Variants in HDAC9 observed in about 807,000 individuals in gnomAD.
HDAC9 encodes the protein MEF-2 interacting transcription repressor (MITR) protein.
A neutral mutation model predicts 139.4 loss-of-function variants in HDAC9; 41 were observed. The ratio of observed to expected loss-of-function variants is 0.29; its 90% CI spans 0.23 to 0.38. HDAC9 has a LOEUF of 0.38. HDAC9 is among the 10% of genes least tolerant of loss of function. HDAC9 has a pLI of 1.00. For missense variants in HDAC9, 1,147 were observed against 1,297.0 expected (o/e 0.88, Z 1.78); for synonymous variants, 517 against 476.2 (o/e 1.09, Z -1.12).
chr7:18,952,526 T>C (rs1270134867), intron 23 of HDAC9, among the ~76,000 whole-genome samples: 1 of 151,976 alleles, frequency 6.6e-6, no homozygotes, highest in Non-Finnish European at 1.5e-5. Flanking sequence ...CAAGATATTT[T>C]ATTAGTAAAA....
chr7:18,390,296 T>G (rs1786353681), intron 1 of HDAC9, among the ~76,000 whole-genome samples: 1 of 152,138 alleles, frequency 6.6e-6, no homozygotes, highest in South Asian at 2.1e-4. Flanking sequence ...TGGAATACAC[T>G]GAGAGAGCTG....
chr7:18,138,969 T>G lies in HDAC9; in HGVS notation c.-96-23260T>G, dbSNP rs1785674572. 2.0e-5 allele frequency among the ~76,000 whole-genome samples: 3 copies of G among 152,192 alleles called. No homozygotes were observed. The South Asian group carries it at 6.2e-4, about 32-fold the overall frequency. ...TTATGTTTATGCTTACTAGCAGTTC[T>G]AGTAATCTTCCATTTCTAAACTTGG... On this transcript the variant is annotated intron_variant, in intron 1 of 12. Transcript: ENST00000417496.
chr7:18,848,469 G>A (rs929358633), intron 21 of HDAC9, among the ~76,000 whole-genome samples: 1 of 151,876 alleles, frequency 6.6e-6, no homozygotes, highest in African/African-American at 2.4e-5. Context: ...TGACACCAGA[G>A]AGCTTGCTTC....
intron 13 of HDAC9, among the ~76,000 whole-genome samples, chr7:18,729,306 A>G (rs933045420): frequency 6.6e-6 from 1 of 151,498 alleles, no homozygotes; most frequent in African/African-American, 2.4e-5. Context: ...ATTAAAAATT[A>G]AAAATAATAT....
rs77900721 is a variant in HDAC9 at position 18,653,600 on chromosome 7, C to G, written c.1467+4917C>G. Among the ~76,000 whole-genome samples, 41 of 152,186 alleles carry G rather than the reference C, an allele frequency of 2.7e-4. No individual in the cohort carries two copies. In the East Asian group the frequency reaches 7.9e-3, roughly 29 times the overall value. ...TTACTGTGATACTTAGGCATTTTGA[C>G]ATGAGTGCTATTTTATCATAATAAA... On this transcript the variant is annotated intron_variant, in intron 11 of 25. Coordinates refer to ENST00000686413, the MANE Select transcript of HDAC9 (RefSeq NM_178425.4).
chr7:18,638,759 A>T (rs1469841251), intron 8 of HDAC9, among the ~76,000 whole-genome samples: 1 of 152,010 alleles, frequency 6.6e-6, no homozygotes, highest in Non-Finnish European at 1.5e-5. Flanking sequence ...TGCTCTGACC[A>T]CTTCTGTTCC....
At chr7:18,934,444 G>T (rs1299928289) in intron 22 of HDAC9, among the ~76,000 whole-genome samples, 1 of 152,006 alleles carries the variant, frequency 6.6e-6, no homozygotes, top group African/African-American at 2.4e-5. Context: ...TTATGACCAA[G>T]CTTATTTTAC....
chr7:18,434,785 G>C (rs751486728), intron 1 of HDAC9, among the ~76,000 whole-genome samples: 1 of 152,136 alleles, frequency 6.6e-6, no homozygotes, highest in African/African-American at 2.4e-5. Context: ...CTTATACACA[G>C]TTGGTGGGAA....
chr7:18,572,566 A>G (rs1824662494), intron 2 of HDAC9, among the ~76,000 whole-genome samples: 1 of 151,976 alleles, frequency 6.6e-6, no homozygotes, highest in African/African-American at 2.4e-5. Flanking sequence ...ATCCCAGAGG[A>G]AGAGTATTAG....
intron 2 of HDAC9, among the ~76,000 whole-genome samples, chr7:18,162,957 A>G (rs1348089879): frequency 1.3e-5 from 2 of 152,234 alleles, no homozygotes; most frequent in African/African-American, 4.8e-5. Flanking sequence ...GAGCAAACAC[A>G]ATCCAAGTTT....
At chr7:18,275,463 A>G (rs538882335) in intron 2 of HDAC9, among the ~76,000 whole-genome samples, 1 of 152,270 alleles carries the variant, frequency 6.6e-6, no homozygotes, top group Non-Finnish European at 1.5e-5. Context: ...CTTTTTCTCA[A>G]AGCCCAGCAG....
chr7:18,525,257 T>C (rs144877416), intron 2 of HDAC9, among the ~76,000 whole-genome samples: 59 of 152,130 alleles, frequency 3.9e-4, no homozygotes, highest in Admixed American at 1.6e-3. Flanking sequence ...AGACCAGATA[T>C]AACACTAGAA....
intron 16 of HDAC9, among the ~76,000 whole-genome samples, chr7:18,773,867 C>T (rs1017010111): frequency 8.5e-5 from 13 of 152,048 alleles, no homozygotes; most frequent in African/African-American, 2.9e-4. Flanking sequence ...ATATTCACCC[C>T]CGTAACAAAC....
chr7:18,978,127 A>G (rs1784668326), intron 25 of HDAC9, among the ~76,000 whole-genome samples: 1 of 152,212 alleles, frequency 6.6e-6, no homozygotes, highest in Non-Finnish European at 1.5e-5. Flanking sequence ...TTATAAGCAC[A>G]CAGGAAATTG....
chr7:18,271,285 C>T (rs917643723), intron 2 of HDAC9, among the ~76,000 whole-genome samples: 1 of 152,124 alleles, frequency 6.6e-6, no homozygotes, highest in Non-Finnish European at 1.5e-5. Flanking sequence ...TATATATACT[C>T]TATGTATTGA....
intron 22 of HDAC9, among the ~76,000 whole-genome samples, chr7:18,877,221 T>A (rs1371664344): frequency 6.6e-6 from 1 of 152,180 alleles, no homozygotes; most frequent in Non-Finnish European, 1.5e-5. Context: ...GGGTAGAAGC[T>A]GGGATTACTA....
At chr7:18,273,474 G>A (rs1021702639) in intron 2 of HDAC9, among the ~76,000 whole-genome samples, 4 of 152,146 alleles carry the variant, frequency 2.6e-5, no homozygotes, top group African/African-American at 7.2e-5. Context: ...TCTGAAAGAG[G>A]TGTCATTGTT....
intron 11 of HDAC9, among the ~76,000 whole-genome samples, chr7:18,661,284 G>C (rs960523526): frequency 6.6e-6 from 1 of 152,252 alleles, no homozygotes; most frequent in African/African-American, 2.4e-5. Flanking sequence ...AAATGAGAAA[G>C]ATTGGGTGAT....
At chr7:18,823,384 G>A (rs1036211512) in intron 17 of HDAC9, among the ~76,000 whole-genome samples, 14 of 152,194 alleles carry the variant, frequency 9.2e-5, no homozygotes, top group African/African-American at 1.7e-4. Flanking sequence ...TGGGCACCAC[G>A]TAGAGTTTAT....
Sources: allele counts gnomAD v4.1 joint callset (sites outside exome capture counted in the v4.1 genomes callset), GRCh38; gene constraint gnomAD v4.1.1; transcripts MANE v1.5; gene names NCBI Gene and HGNC (gene_info 2026-07-23, HGNC 2026-07-21).